PKDREJ: variants seen among roughly 807,000 people sequenced by gnomAD.
PKDREJ encodes polycystin family receptor for egg jelly.
For missense variants in PKDREJ, 2,507 were observed against 2,807.2 expected (o/e 0.89, Z 2.42); for synonymous variants, 1,031 against 1,095.5 (o/e 0.94, Z 1.16).
chr22:46,261,653 A>G lies in PKDREJ; in HGVS notation c.1670T>C (p.Ile557Thr). 4 of 1,614,076 alleles carry G rather than the reference A, an allele frequency of 2.5e-6. No homozygotes were observed. Among genetic ancestry groups the G allele is most frequent in the Non-Finnish European group, 2.5e-6 (3 of 1,179,974 alleles). Residue 557 changes from isoleucine (I) to threonine (T), a missense_variant, in exon 1 of 1, where the codon ATT (isoleucine) becomes ACT (threonine). Coordinates refer to ENST00000253255, the MANE Select transcript of PKDREJ (RefSeq NM_006071.2). The surrounding 1 kb of genome is among the most constrained non-coding windows in gnomAD (Gnocchi z 7.1). ...TTCTCCGATCTGAGGGCCATGGTTA[A>G]TAATAAAAGAATGCCTGAAGACCGA... is the stretch of plus-strand genomic sequence containing the variant. ...VTSVFRHSFI[I>T]NHGPQIGECK...
Position 46,262,719 on chromosome 22 carries a change from T to C in PKDREJ, c.604A>G (p.Arg202Gly), listed in dbSNP as rs1315248189. The change falls in exon 1 of 1, where the codon AGA becomes GGA. Residue 202 changes from arginine to glycine, a missense_variant. By Grantham distance (125) the Arg-to-Gly change is moderately radical. Transcript: ENST00000253255. The surrounding 1 kb of genome is among the most constrained non-coding windows in gnomAD (Gnocchi z 8.1). The stretch of plus-strand genomic sequence containing the variant: ...CAGGACACGGACGACTCGACGGCTC[T>C]GTGGCTGGACGAGTTGACGGCCTGC... Reference protein sequence around the residue: ...MLQAVNSSSHRAVESSVSCQI... With the variant: ...MLQAVNSSSHGAVESSVSCQI... The C allele has an allele frequency of 2.5e-6, 4 of 1,611,010 alleles. No individual in the cohort carries two copies. In the Admixed American group the frequency reaches 5.0e-5, roughly 20 times the overall value.
At position 46,256,856 on chromosome 22, in the gene PKDREJ, A is replaced by G. The variant is rs752282863; in HGVS notation, c.6467T>C (p.Met2156Thr). Residue 2156 changes from methionine to threonine, a missense_variant, in exon 1 of 1, where the codon ATG becomes ACG. By Grantham distance (81) the Met-to-Thr change is moderately conservative. Coordinates refer to ENST00000253255, the MANE Select transcript of PKDREJ (RefSeq NM_006071.2). This position sits in a 1 kb window ranked among gnomAD's most constrained non-coding sequence, Gnocchi z 5.3. The part of the protein sequence containing the change: ...ILGVLFLSSF[M>T]LVMICVLINL... ...GATCAAGACGCAGATCATCACCAGC[A>G]TGAAAGATGAGAGGAACAGGACCCC... 4 of 1,614,090 alleles carry G rather than the reference A, an allele frequency of 2.5e-6. No homozygotes were observed. The highest frequency in any genetic ancestry group is 1.6e-4 in the Middle Eastern group (1 of 6,062).
chr22:46,256,566 C>G lies in PKDREJ; in HGVS notation c.6757G>C (p.Val2253Leu). ...ACTCATGAAACCATCATTCATCAAACAACAAGGTAAACCATTTTCTTCCCG... is the reference window on the plus strand; with the variant it reads ...ACTCATGAAACCATCATTCATCAAAGAACAAGGTAAACCATTTTCTTCCCG... ...INGKKMVYLV[V>L] The change falls in exon 1 of 1, where the codon GTT (valine) becomes CTT (leucine). Residue 2253 changes from valine (V) to leucine (L), a missense_variant. Val to Leu is a conservative substitution (Grantham distance 32, BLOSUM62 1). Coordinates refer to ENST00000253255, the MANE Select transcript of PKDREJ (RefSeq NM_006071.2). This position sits in a 1 kb window ranked among gnomAD's most constrained non-coding sequence, Gnocchi z 5.3. 1.9e-6 allele frequency: 3 copies of G among 1,610,878 alleles called. No individual in the cohort carries two copies. Among genetic ancestry groups the G allele is most frequent in the Non-Finnish European group, 2.5e-6 (3 of 1,178,712 alleles).
Position 46,261,740 on chromosome 22 carries a change from C to G in PKDREJ, c.1583G>C (p.Arg528Pro), listed in dbSNP as rs6008394. Residue 528 changes from arginine to proline, a missense_variant, in exon 1 of 1, where the codon CGG becomes CCG. Physicochemically the swap from Arg to Pro is moderately radical, Grantham distance 103. Coordinates refer to ENST00000253255, the MANE Select transcript of PKDREJ (RefSeq NM_006071.2). The surrounding 1 kb of genome is among the most constrained non-coding windows in gnomAD (Gnocchi z 7.1). The part of the protein sequence containing the change: ...AYLSIKAFAF[R>P]HFLEAEFSIS... ...CGAAAACTCAGCTTCCAAAAAATGC[C>G]GAAAAGCAAAAGCTTTTATAGACAG... 4 of 1,613,902 alleles carry G rather than the reference C, an allele frequency of 2.5e-6. No individual in the cohort carries two copies. Among genetic ancestry groups the G allele is most frequent in the Non-Finnish European group, 3.4e-6 (4 of 1,179,986 alleles).
chr22:46,259,328 C>T lies in PKDREJ; in HGVS notation c.3995G>A (p.Trp1332Ter). ...RHIWLFICQKWLSVDTTLDRT... is the reference protein window; with the variant it reads ...RHIWLFICQK Reference sequence around the variant, plus strand: ...GTCCAAAGTGGTATCAACAGAAAGCCATTTCTGGCATATGAACAGCCAAAT... The same window carrying T: ...GTCCAAAGTGGTATCAACAGAAAGCTATTTCTGGCATATGAACAGCCAAAT... The change falls in exon 1 of 1, where the codon TGG (tryptophan) becomes TAG (stop). Residue 1332 changes from tryptophan to a stop codon, truncating the protein, a stop_gained. Transcript: ENST00000253255. LOFTEE classifies it low-confidence loss of function (END_TRUNC). This position sits in a 1 kb window ranked among gnomAD's most constrained non-coding sequence, Gnocchi z 6.8. 6.2e-7 allele frequency: 1 copy of T among 1,614,152 alleles called. No individual in the cohort carries two copies. Among genetic ancestry groups the T allele is most frequent in the Non-Finnish European group, 8.5e-7 (1 of 1,180,004 alleles).
In PKDREJ at chr22:46,262,913, C is replaced by T. The variant is rs1166901269; in HGVS notation, c.410G>A (p.Gly137Glu). ...TWSVRLPRSP[G>E]RLAWAFRLRL... The stretch of plus-strand genomic sequence containing the variant: ...CAGGCGGAAGGCCCAGGCCAGGCGC[C>T]CGGGCGAGCGCGGCAGCCGCACGGA... Residue 137 changes from glycine to glutamate, a missense_variant, in exon 1 of 1, where the codon GGG becomes GAG. Transcript: ENST00000253255. The surrounding 1 kb of genome is among the most constrained non-coding windows in gnomAD (Gnocchi z 8.1). 2 of 1,071,158 alleles carry T rather than the reference C, an allele frequency of 1.9e-6. No homozygotes were observed. The highest frequency in any genetic ancestry group is 2.3e-6 in the Non-Finnish European group (2 of 887,052). The allele number at this position is 1,071,158 out of a possible 1,614,324, so 66.4% of individuals were successfully genotyped here. A position where few individuals can be genotyped will look rare whatever the true frequency, so the allele number is the denominator to read the frequency against.
Position 46,262,484 on chromosome 22 carries a change from G to T in PKDREJ, c.839C>A (p.Pro280His). The change falls in exon 1 of 1, where the codon CCC becomes CAC. Residue 280 changes from proline to histidine, a missense_variant. Pro to His is a moderately conservative substitution (Grantham distance 77, BLOSUM62 -2). Transcript: ENST00000253255. The surrounding 1 kb of genome is among the most constrained non-coding windows in gnomAD (Gnocchi z 8.1). ...GGGGCTGTTCCTGATCTCGAGCTGG[G>T]GCAGATCCAAGGGCTGCGTCCAGTC... The part of the protein sequence containing the change: ...APDWTQPLDL[P>H]QLEIRNSPLF... The T allele has an allele frequency of 1.3e-6, 2 of 1,593,780 alleles. No homozygotes were observed. The highest frequency in any genetic ancestry group is 1.7e-6 in the Non-Finnish European group (2 of 1,168,946).
chr22:46,259,492 A>G lies in PKDREJ; in HGVS notation c.3831T>C (p.Gly1277=), dbSNP rs560423395. The part of the protein sequence containing the change: ...SHPHFTTLYR[G]SINTFLLTTK... ...TCGTTAGGAGGAAAGTGTTGATGCTACCTCGGTAGAGAGTTGTGAAATGTG... is the reference window on the plus strand; with the variant it reads ...TCGTTAGGAGGAAAGTGTTGATGCTGCCTCGGTAGAGAGTTGTGAAATGTG... The change falls in exon 1 of 1, where the codon GGT becomes GGC. Residue 1277 remains glycine (G), a synonymous_variant. Coordinates refer to ENST00000253255, the MANE Select transcript of PKDREJ (RefSeq NM_006071.2). The surrounding 1 kb of genome is among the most constrained non-coding windows in gnomAD (Gnocchi z 6.8). 6.2e-7 allele frequency: 1 copy of G among 1,614,136 alleles called. No homozygotes were observed. Among genetic ancestry groups the G allele is most frequent in the South Asian group, 1.1e-5 (1 of 91,080 alleles).
chr22:46,257,061 CA>C lies in PKDREJ; in HGVS notation c.6261del (p.Gly2088AlafsTer34). The C allele has an allele frequency of 1.2e-6, 2 of 1,613,918 alleles. No individual in the cohort carries two copies. Among genetic ancestry groups the C allele is most frequent in the African/African-American group, 2.7e-5 (2 of 75,040 alleles). On this transcript the variant is annotated frameshift_variant, in exon 1 of 1. Transcript: ENST00000253255. LOFTEE classifies it low-confidence loss of function (END_TRUNC). This position sits in a 1 kb window ranked among gnomAD's most constrained non-coding sequence, Gnocchi z 4.7. Reference protein sequence around the residue: ...LAQRAIQAALPGICHMAFVVS... With the variant: ...LAQRAIQAALXGICHMAFVVS... Reference sequence around the variant, plus strand: ...ACAACAAATGCCATGTGGCAGATGCCAGGGAGGGCAGCCTGGATGGCCCTCT... The same window carrying C: ...ACAACAAATGCCATGTGGCAGATGCCGGGAGGGCAGCCTGGATGGCCCTCT...
Position 46,259,148 on chromosome 22 carries a change from C to T in PKDREJ, c.4175G>A (p.Cys1392Tyr), listed in dbSNP as rs1569270556. 6.2e-7 allele frequency: 1 copy of T among 1,613,914 alleles called. No homozygotes were observed. Among genetic ancestry groups the T allele is most frequent in the South Asian group, 1.1e-5 (1 of 91,074 alleles). ...KTFNRLQRLS[C>Y]CLAMLLSSLL... ...AGAGCTAAGCAACATTGCTAAACAACAGGACAATCTCTGGAGCCTATTGAA... is the reference window on the plus strand; with the variant it reads ...AGAGCTAAGCAACATTGCTAAACAATAGGACAATCTCTGGAGCCTATTGAA... The change falls in exon 1 of 1, where the codon TGT (cysteine) becomes TAT (tyrosine). Residue 1392 changes from cysteine to tyrosine, a missense_variant. Physicochemically the swap from Cys to Tyr is radical, Grantham distance 194. Coordinates refer to ENST00000253255, the MANE Select transcript of PKDREJ (RefSeq NM_006071.2). The surrounding 1 kb of genome is among the most constrained non-coding windows in gnomAD (Gnocchi z 6.8).
In PKDREJ at chr22:46,261,793, T is replaced by C. The variant is rs371926842; in HGVS notation, c.1530A>G (p.Glu510=). The change falls in exon 1 of 1, where the codon GAA becomes GAG. Residue 510 remains glutamate (E), a synonymous_variant. Transcript: ENST00000253255. This position sits in a 1 kb window ranked among gnomAD's most constrained non-coding sequence, Gnocchi z 7.1. ...AAGCACCATTCCTTCCTGTTACAGT[T>C]TCCCCCATCCAATCAAATAGCATCT... is the stretch of plus-strand genomic sequence containing the variant. ...GGEMLFDWMG[E]TVTGRNGAYL... The C allele has an allele frequency of 2.0e-5, 32 of 1,613,962 alleles. No homozygotes were observed. Among genetic ancestry groups the C allele is most frequent in the Non-Finnish European group, 2.7e-5 (32 of 1,180,052 alleles).
chr22:46,263,236 C>A lies in PKDREJ; in HGVS notation c.87G>T (p.Gly29=). The A allele has an allele frequency of 6.8e-7, 1 of 1,461,726 alleles. No homozygotes were observed. The highest frequency in any genetic ancestry group is 1.3e-5 in the South Asian group (1 of 77,008). 90.5% of individuals were successfully genotyped at this position (1,461,726 alleles called of 1,614,324 possible). ...GCGCCCCGGAGACGGCGGCTTGTGC[C>A]CCGCGAGGAACCGGCGGCAGCGGGA... ...GRLPLPPVPR[G]AQAAVSGAPG... Residue 29 remains glycine (G), a synonymous_variant, in exon 1 of 1, where the codon GGG becomes GGT. Coordinates refer to ENST00000253255, the MANE Select transcript of PKDREJ (RefSeq NM_006071.2). The surrounding 1 kb of genome is among the most constrained non-coding windows in gnomAD (Gnocchi z 9.4).
Position 46,260,961 on chromosome 22 carries a change from G to C in PKDREJ, c.2362C>G (p.Leu788Val), listed in dbSNP as rs1463024445. Residue 788 changes from leucine (L) to valine (V), a missense_variant, in exon 1 of 1, where the codon CTA (leucine) becomes GTA (valine). By Grantham distance (32) the Leu-to-Val change is conservative. Transcript: ENST00000253255. This position sits in a 1 kb window ranked among gnomAD's most constrained non-coding sequence, Gnocchi z 4.5. ...TTATCTTTTTGCTGATACTCTTGTA[G>C]GGCTTGATTTGCTTGCCATACCCTC... ...TMRVWQANQALQEYQQKDKRF... is the reference protein window; with the variant it reads ...TMRVWQANQAVQEYQQKDKRF... 1 of 1,614,058 alleles carries C rather than the reference G, an allele frequency of 6.2e-7. No homozygotes were observed. The highest frequency in any genetic ancestry group is 8.5e-7 in the Non-Finnish European group (1 of 1,180,040).
In PKDREJ at chr22:46,257,061, C is replaced by T. The variant is rs1241238260; in HGVS notation, c.6262G>A (p.Gly2088Ser). 3.7e-6 allele frequency: 6 copies of T among 1,613,800 alleles called. No individual in the cohort carries two copies. The highest frequency in any genetic ancestry group is 2.7e-5 in the African/African-American group (2 of 74,918). ...ACAACAAATGCCATGTGGCAGATGCCAGGGAGGGCAGCCTGGATGGCCCTC... is the reference window on the plus strand; with the variant it reads ...ACAACAAATGCCATGTGGCAGATGCTAGGGAGGGCAGCCTGGATGGCCCTC... ...AQRAIQAALP[G>S]ICHMAFVVSV... The change falls in exon 1 of 1, where the codon GGC becomes AGC. Residue 2088 changes from glycine (G) to serine (S), a missense_variant. Gly to Ser is a moderately conservative substitution (Grantham distance 56). Coordinates refer to ENST00000253255, the MANE Select transcript of PKDREJ (RefSeq NM_006071.2). The surrounding 1 kb of genome is among the most constrained non-coding windows in gnomAD (Gnocchi z 4.7).
Position 46,258,292 on chromosome 22 carries a change from G to A in PKDREJ, c.5031C>T (p.Ile1677=), listed in dbSNP as rs373271693. 85 of 1,614,018 alleles carry A rather than the reference G, an allele frequency of 5.3e-5. No homozygotes were observed. The highest frequency in any genetic ancestry group is 8.9e-5 in the East Asian group (4 of 44,902). ...ACATCCTCGTGCCTCGGATTCGGAC[G>A]ATCTGGTCATGTATCCTCTGCATTT... ...PEEMQRIHDQ[I]VRIRGTRMYQ... is the part of the protein sequence containing the mutation. The change falls in exon 1 of 1, where the codon ATC becomes ATT. Residue 1677 remains isoleucine, a synonymous_variant. Transcript: ENST00000253255. This position sits in a 1 kb window ranked among gnomAD's most constrained non-coding sequence, Gnocchi z 6.1.
In PKDREJ at chr22:46,257,342, A is replaced by G. The variant is rs1936643981; in HGVS notation, c.5981T>C (p.Val1994Ala). Reference sequence around the variant, plus strand: ...GTTGAGCAAATTATACACACTTCTCACATAGGAGGCTCTTTCTTGCATAAT... The same window carrying G: ...GTTGAGCAAATTATACACACTTCTCGCATAGGAGGCTCTTTCTTGCATAAT... ...CIIMQERASYVRSVYNLLNFA... is the reference protein window; with the variant it reads ...CIIMQERASYARSVYNLLNFA... The change falls in exon 1 of 1, where the codon GTG becomes GCG. Residue 1994 changes from valine to alanine, a missense_variant. Coordinates refer to ENST00000253255, the MANE Select transcript of PKDREJ (RefSeq NM_006071.2). The surrounding 1 kb of genome is among the most constrained non-coding windows in gnomAD (Gnocchi z 4.7). 1 of 1,613,882 alleles carries G rather than the reference A, an allele frequency of 6.2e-7. No individual in the cohort carries two copies. The highest frequency in any genetic ancestry group is 8.5e-7 in the Non-Finnish European group (1 of 1,179,986).
At position 46,262,310 on chromosome 22, in the gene PKDREJ, G is replaced by A. The variant is rs193008884; in HGVS notation, c.1013C>T (p.Ala338Val). The change falls in exon 1 of 1, where the codon GCG (alanine) becomes GTG (valine). Residue 338 changes from alanine (A) to valine (V), a missense_variant. By Grantham distance (64) the Ala-to-Val change is moderately conservative. Coordinates refer to ENST00000253255, the MANE Select transcript of PKDREJ (RefSeq NM_006071.2). The surrounding 1 kb of genome is among the most constrained non-coding windows in gnomAD (Gnocchi z 8.1). ...YVWIVRSSLQ[A>V]VMLGDANITA... is the part of the protein sequence containing the mutation. ...TATGTTGGCATCGCCAAGCATCACC[G>A]CCTGCAGGGAACTCCTGACGATCCA... is the stretch of plus-strand genomic sequence containing the variant. 6 of 1,614,040 alleles carry A rather than the reference G, an allele frequency of 3.7e-6. No individual in the cohort carries two copies. The highest frequency in any genetic ancestry group is 3.3e-5 in the South Asian group (3 of 91,092).
In PKDREJ at chr22:46,263,199, G is replaced by A; in HGVS notation, c.124C>T (p.Leu42Phe). ...ACCCCGAGGCCCGGGGCGCCCCTGA[G>A]GAGGCCACCGGGCGCCCCGGAGACG... is the stretch of plus-strand genomic sequence containing the variant. ...AAVSGAPGGL[L>F]RGAPGLGVRG... Residue 42 changes from leucine (L) to phenylalanine (F), a missense_variant, in exon 1 of 1, where the codon CTC becomes TTC. Transcript: ENST00000253255. This position sits in a 1 kb window ranked among gnomAD's most constrained non-coding sequence, Gnocchi z 9.4. The A allele has an allele frequency of 7.2e-7, 1 of 1,393,654 alleles. No homozygotes were observed. The highest frequency in any genetic ancestry group is 9.3e-7 in the Non-Finnish European group (1 of 1,080,052). The allele number at this position is 1,393,654 out of a possible 1,614,324, so 86.3% of individuals were successfully genotyped here. A position where few individuals can be genotyped will look rare whatever the true frequency, so the allele number is the denominator to read the frequency against.
Position 46,259,249 on chromosome 22 carries a change from G to A in PKDREJ, c.4074C>T (p.Phe1358=). The A allele has an allele frequency of 3.1e-6, 5 of 1,613,902 alleles. No individual in the cohort carries two copies. The highest frequency in any genetic ancestry group is 4.2e-6 in the Non-Finnish European group (5 of 1,179,966). Residue 1358 remains phenylalanine, a synonymous_variant, in exon 1 of 1, where the codon TTC becomes TTT. Coordinates refer to ENST00000253255, the MANE Select transcript of PKDREJ (RefSeq NM_006071.2). This position sits in a 1 kb window ranked among gnomAD's most constrained non-coding sequence, Gnocchi z 6.8. The part of the protein sequence containing the change: ...PDERLTRKDF[F]FIDVSSNLRK... Reference sequence around the variant, plus strand: ...GGAGATTACTACTCACATCTATAAAGAAAAAGTCTTTTCTAGTCAGACGCT... The same window carrying A: ...GGAGATTACTACTCACATCTATAAAAAAAAAGTCTTTTCTAGTCAGACGCT...
Sources: gnomAD v4.1 joint callset for allele counts on GRCh38, gnomAD v4.1.1 for gene constraint, Gnocchi (gnomAD v3.1) non-coding constraint, MANE v1.5 for transcripts, NCBI Gene and HGNC (gene_info 2026-07-23, HGNC 2026-07-21) for gene names.